TMC3: variants seen among roughly 807,000 people sequenced by gnomAD.
TMC3 encodes transmembrane channel like 3, also known as transmembrane channel-like protein 3.
TMC3 carries 98 observed loss-of-function variants against 110.6 expected under a neutral mutation model. That is an observed-to-expected ratio of 0.89 (90% CI 0.75 to 1.05). The LOEUF (loss-of-function observed/expected upper bound fraction) is 1.05. TMC3 is among the 50% of genes least tolerant of loss of function. TMC3 has a pLI of 0.00. For synonymous variants in TMC3, 489 were observed against 513.1 expected, an observed-to-expected ratio of 0.95 and a Z score of 0.63; for missense variants, 1,319 against 1,373.2, an observed-to-expected ratio of 0.96 and a Z score of 0.62.
chr15:81,334,874 C>T lies in TMC3; in HGVS notation c.2305G>A (p.Gly769Ser), dbSNP rs772064979. ...CCTGAGTCAAAATGGGCCACGTTGC[C>T]GTTGTTTTGGGGTGTGCCCGAGTGC... is the stretch of plus-strand genomic sequence containing the variant. ...SAHSGTPQNN[G>S]NVAHFDSGSS... The change falls in exon 21 of 22, where the codon GGC becomes AGC. Residue 769 changes from glycine to serine, a missense_variant. Transcript: ENST00000359440. The T allele has an allele frequency of 1.5e-5, 24 of 1,613,900 alleles. No individual in the cohort carries two copies. Among genetic ancestry groups the T allele is most frequent in the African/African-American group, 9.3e-5 (7 of 74,910 alleles).
chr15:81,347,487 G>A (rs1279175446), intron 11 of TMC3, among the ~76,000 whole-genome samples: 1 of 152,206 alleles, frequency 6.6e-6, no homozygotes, highest in South Asian at 2.1e-4. Flanking sequence ...CGTGGGCACA[G>A]TGCATTTACA....
intron 3 of TMC3, 112 bp downstream of exon 3, chr15:81,368,141 G>A (rs1280988786): frequency 4.0e-6 from 3 of 751,606 alleles, no homozygotes; most frequent in Non-Finnish European, 6.8e-6. Context: ...CACCGTGTTA[G>A]CCAGGATGGT....
Position 81,331,190 on chromosome 15 carries a change from G to A in TMC3, c.*1229C>T, listed in dbSNP as rs1384867785. The A allele has an allele frequency of 1.3e-5, 2 of 152,250 alleles. No individual in the cohort carries two copies. The highest frequency in any genetic ancestry group is 2.9e-5 in the Non-Finnish European group (2 of 68,054). 9.4% of individuals were successfully genotyped at this position (152,250 alleles called of 1,614,324 possible). A position where few individuals can be genotyped will look rare whatever the true frequency, so the allele number is the denominator to read the frequency against. On this transcript the variant is annotated 3_prime_UTR_variant, in exon 22 of 22. Coordinates refer to ENST00000359440, the MANE Select transcript of TMC3 (RefSeq NM_001080532.3). ...GATAAAGAAAGCAGCCACCTTTTAA[G>A]CAGTCGGTGGCCGGGAGTACGCGAG...
intron 7 of TMC3, 37 bp downstream of exon 7, chr15:81,358,112 C>A: frequency 6.5e-7 from 1 of 1,535,230 alleles, no homozygotes; most frequent in Non-Finnish European, 8.8e-7. Context: ...CATATCATAA[C>A]GCTTGATATG....
At chr15:81,352,695 G>A (rs1226153376) in intron 9 of TMC3, among the ~76,000 whole-genome samples, 1 of 152,214 alleles carries the variant, frequency 6.6e-6, no homozygotes, top group African/African-American at 2.4e-5. Flanking sequence ...ACCTCCGTGC[G>A]TGTTATGGCC....
At chr15:81,373,310 A>G (rs1361679266) in intron 1 of TMC3, among the ~76,000 whole-genome samples, 2 of 152,202 alleles carry the variant, frequency 1.3e-5, no homozygotes, top group African/African-American at 2.4e-5. Context: ...GCAAATTTAC[A>G]TGGGTGAGAT....
chr15:81,343,425 A>G, intron 14 of TMC3, 80 bp from the exon 15 acceptor site: 2 of 902,094 alleles, frequency 2.2e-6, no homozygotes, highest in Non-Finnish European at 3.7e-6. Context: ...ACACCTATAT[A>G]GACTTCTTTG....
rs565461129 is a variant in TMC3 at position 81,358,458 on chromosome 15, T to C, written c.544A>G (p.Ile182Val). 309 of 1,613,650 alleles carry C rather than the reference T, an allele frequency of 1.9e-4. 2 individuals carry two copies. In the South Asian group the frequency reaches 3.2e-3, roughly 17 times the overall value. ...GCAGACGAAACCTGCTCCTTGGGGA[T>C]GGTCTTCCTGGCTGTGCTTCCAAAG... ...QPFGSTARKT[I>V]PKEQVSSAQD... Residue 182 changes from isoleucine to valine, a missense_variant, in exon 6 of 22, where the codon ATC becomes GTC. Ile to Val is a conservative substitution (Grantham distance 29). Transcript: ENST00000359440.
At position 81,356,519 on chromosome 15, in the gene TMC3, A is replaced by G; in HGVS notation, c.819T>C (p.Cys273=). The G allele has an allele frequency of 6.4e-7, 1 of 1,573,470 alleles. No homozygotes were observed. The highest frequency in any genetic ancestry group is 8.6e-7 in the Non-Finnish European group (1 of 1,158,690). Residue 273 remains cysteine, a synonymous_variant, in exon 8 of 22, where the codon TGT becomes TGC. Transcript: ENST00000359440. ...ENYTFCWRVF[C]AWDYLIGNPE... is the part of the protein sequence containing the mutation. ...GGTTTCCAATGAGGTAATCCCAGGCACAGAACACCCGCCAGCAGAAGGTAT... is the reference window on the plus strand; with the variant it reads ...GGTTTCCAATGAGGTAATCCCAGGCGCAGAACACCCGCCAGCAGAAGGTAT...
intron 1 of TMC3, 128 bp from the exon 2 acceptor site, chr15:81,372,865 T>TTGTGCG: frequency 1.7e-6 from 1 of 579,546 alleles, no homozygotes; most frequent in Non-Finnish European, 2.9e-6. Context: ...GTGTATGTGT[T>TTGTGCG]TGTGCGTGTG....
At chr15:81,354,540 G>T (rs1179094478) in intron 9 of TMC3, among the ~76,000 whole-genome samples, 1 of 152,176 alleles carries the variant, frequency 6.6e-6, no homozygotes, top group Non-Finnish European at 1.5e-5. Flanking sequence ...GGATCTTGTG[G>T]GTTCCCTATG....
intron 20 of TMC3, chr15:81,335,544 A>C (rs1254800204): frequency 6.5e-6 from 1 of 154,706 alleles, no homozygotes; most frequent in Non-Finnish European, 1.4e-5. Context: ...TATCAATTGT[A>C]GGCTTCTCTC....
intron 3 of TMC3, among the ~76,000 whole-genome samples, chr15:81,363,308 A>C (rs1402049341): frequency 6.6e-6 from 1 of 152,260 alleles, no homozygotes; most frequent in African/African-American, 2.4e-5. Context: ...AAGTTTAAAA[A>C]ACATTTCTCA....
Position 81,359,359 on chromosome 15 carries a change from T to C in TMC3, c.501+6A>G, listed in dbSNP as rs576978990. 4 of 1,587,882 alleles carry C rather than the reference T, an allele frequency of 2.5e-6. No homozygotes were observed. In the African/African-American group the frequency reaches 5.4e-5, roughly 21 times the overall value. ...TAATGAGTGGTACTTTCCTGAAACA[T>C]CTTACCTCTGGAATGACAATAAAAG... On this transcript the variant is annotated splice_donor_region_variant and intron_variant, in intron 5 of 21. Transcript: ENST00000359440.
rs758883748 is a variant in TMC3, at chr15:81,362,202, C to T, written c.394+18G>A. ...TAGCATTGCATTCCTGCCCCACTCT[C>T]CAGGTGTAAATACTTACTCTCGATT... is the stretch of plus-strand genomic sequence containing the variant. On this transcript the variant is annotated intron_variant, in intron 4 of 21. Transcript: ENST00000359440. 8 of 1,589,336 alleles carry T rather than the reference C, an allele frequency of 5.0e-6. No individual in the cohort carries two copies. In the South Asian group the frequency reaches 9.1e-5, roughly 18 times the overall value.
At chr15:81,344,706 T>A (rs1464374078) in intron 13 of TMC3, 60 bp downstream of exon 13, 1 of 1,522,014 alleles carries the variant, frequency 6.6e-7, no homozygotes, top group East Asian at 2.3e-5. Flanking sequence ...GCTCAGAGAG[T>A]TGCTGGGGTT....
At chr15:81,373,694 T>C (rs1894487029) in intron 1 of TMC3, among the ~76,000 whole-genome samples, 1 of 152,182 alleles carries the variant, frequency 6.6e-6, no homozygotes, top group East Asian at 1.9e-4. Context: ...TGAGTGAACA[T>C]AGAGAAAACA....
At position 81,344,986 on chromosome 15, in the gene TMC3, C is replaced by T; in HGVS notation, c.1298G>A (p.Ser433Asn). The change falls in exon 13 of 22, where the codon AGT becomes AAT. Residue 433 changes from serine to asparagine, a missense_variant. Transcript: ENST00000359440. ...IEEMATKNNT[S>N]HWIDSTTFFA... ...GAAGGTGGTGGAATCTATCCAATGA[C>T]TTGTGTTATTTTTGGTAGCCATTTC... The T allele has an allele frequency of 6.3e-7, 1 of 1,589,906 alleles. No individual in the cohort carries two copies. The highest frequency in any genetic ancestry group is 8.6e-7 in the Non-Finnish European group (1 of 1,167,752).
chr15:81,351,817 A>G lies in TMC3; in HGVS notation c.960T>C (p.Ile320=), dbSNP rs1893958147. Residue 320 remains isoleucine (I), a synonymous_variant, in exon 10 of 22, where the codon ATT becomes ATC. Transcript: ENST00000359440. ...AGAGAAGCACCAGGATGTTGGCAAT[A>G]ATCCTCAGGCAGATGGTCACTGCCC... ...KNLAVTICLR[I]IANILVLLSL... is the part of the protein sequence containing the mutation. 1 of 1,612,104 alleles carries G rather than the reference A, an allele frequency of 6.2e-7. No homozygotes were observed. The highest frequency in any genetic ancestry group is 8.5e-7 in the Non-Finnish European group (1 of 1,179,236).
Sources: gnomAD v4.1 joint callset for allele counts (sites outside exome capture counted in the v4.1 genomes callset) on GRCh38, gnomAD v4.1.1 for gene constraint, MANE v1.5 for transcripts, NCBI Gene and HGNC (gene_info 2026-07-23, HGNC 2026-07-21) for gene names.